AHCTF1: variants seen among roughly 807,000 people sequenced by gnomAD.
AHCTF1 encodes the protein AT-hook containing transcription factor 1.
Under a neutral mutation model 248.4 loss-of-function variants are expected in AHCTF1, and 24 were observed. The ratio of observed to expected loss-of-function variants is 0.10; its 90% CI spans 0.07 to 0.14. The LOEUF is 0.14. Among genes scored for constraint, AHCTF1 ranks in the 10% least tolerant of loss-of-function variants. The probability of loss-of-function intolerance (pLI) is 1.00; values close to 1 mark genes in which losing one functional copy is unlikely to be tolerated. For missense variants in AHCTF1, 2,206 were observed against 2,636.2 expected (o/e 0.84, Z 3.57); for synonymous variants, 786 against 929.8 (o/e 0.85, Z 2.81).
chr1:246,862,977 A>C (rs1334566251), intron 27 of AHCTF1, among the ~76,000 whole-genome samples: 1 of 152,224 alleles, frequency 6.6e-6, no homozygotes, highest in Non-Finnish European at 1.5e-5. Flanking sequence ...CCATTAGATC[A>C]TAATAAATTC....
chr1:246,853,026 TG>T, intron 32 of AHCTF1, 64 bp downstream of exon 32: 2 of 1,216,254 alleles, frequency 1.6e-6, no homozygotes, highest in South Asian at 3.0e-5. Context: ...TGAACTACTG[TG>T]TCTTGAAACA....
In AHCTF1 at chr1:246,891,068, G is replaced by C. The variant is rs758224918; in HGVS notation, c.1946-8C>G. The C allele has an allele frequency of 2.0e-5, 30 of 1,532,520 alleles. No individual in the cohort carries two copies. The highest frequency in any genetic ancestry group is 2.5e-5 in the Non-Finnish European group (29 of 1,146,438). The allele number at this position is 1,532,520 out of a possible 1,614,324, so 94.9% of individuals were successfully genotyped here. A position where few individuals can be genotyped will look rare whatever the true frequency, so the allele number is the denominator to read the frequency against. ...TGCTTAAGTCTATCAGTCCTGTAAA[G>C]AAGAGTTAACATCAGTTGTTTACTT... On this transcript the variant is annotated splice_polypyrimidine_tract_variant and splice_region_variant and intron_variant, in intron 15 of 35. Transcript: ENST00000648844.
intron 24 of AHCTF1, among the ~76,000 whole-genome samples, chr1:246,870,276 T>C (rs188408747): frequency 2.4e-4 from 36 of 152,196 alleles, no homozygotes; most frequent in African/African-American, 7.5e-4. Context: ...AGGCCCTCTC[T>C]ACAAAAAATA....
chr1:246,880,149 C>G (rs1663288602), intron 21 of AHCTF1, among the ~76,000 whole-genome samples: 1 of 151,908 alleles, frequency 6.6e-6, no homozygotes, highest in Non-Finnish European at 1.5e-5. Context: ...GTTGGGAATT[C>G]ACTGTGTCAT....
intron 33 of AHCTF1, 101 bp downstream of exon 33, chr1:246,849,514 G>A (rs773431464): frequency 4.1e-5 from 60 of 1,454,024 alleles, no homozygotes; most frequent in Middle Eastern, 1.9e-4. Flanking sequence ...GAGGGGGGAA[G>A]GGGAAAAATT....
At chr1:246,920,775 AAAAAAAAAAATTATT>A (rs911434564) in intron 1 of AHCTF1, among the ~76,000 whole-genome samples, 23 of 151,272 alleles carry the variant, frequency 1.5e-4, no homozygotes, top group African/African-American at 5.4e-4. Flanking sequence ...GTCTCAAAAA[AAAAAAAAAAATTATT>A]AAACAATAAA....
chr1:246,867,700 G>C lies in AHCTF1; in HGVS notation c.3200C>G (p.Ala1067Gly). The C allele has an allele frequency of 6.2e-7, 1 of 1,612,462 alleles. No homozygotes were observed. Among genetic ancestry groups the C allele is most frequent in the Non-Finnish European group, 8.5e-7 (1 of 1,179,744 alleles). ...GGTGCTATTTATAGGTTCTTTGCTT[G>C]CCCAAACTTCTCCAATTTTAGATAA... ...NVLSKIGEVW[A>G]SKEPINSTTP... The change falls in exon 25 of 36, where the codon GCA (alanine) becomes GGA (glycine). Residue 1067 changes from alanine to glycine, a missense_variant. Physicochemically the swap from Ala to Gly is moderately conservative, Grantham distance 60 (BLOSUM62 0). This residue lies in a region of AHCTF1 where 955 missense variants were observed against 1,055.6 expected (regional missense o/e 0.90). Coordinates refer to ENST00000648844, the MANE Select transcript of AHCTF1 (RefSeq NM_001323342.2).
chr1:246,906,042 A>T (rs1665363926), intron 5 of AHCTF1, among the ~76,000 whole-genome samples: 1 of 152,228 alleles, frequency 6.6e-6, no homozygotes, highest in African/African-American at 2.4e-5. Flanking sequence ...GTACACTCCT[A>T]CATACTGCTC....
At chr1:246,926,921 T>C (rs1666959233) in intron 1 of AHCTF1, among the ~76,000 whole-genome samples, 1 of 151,842 alleles carries the variant, frequency 6.6e-6, no homozygotes, top group African/African-American at 2.4e-5. Flanking sequence ...ACGCCTGTAA[T>C]CCCAGCACTT....
intron 13 of AHCTF1, among the ~76,000 whole-genome samples, chr1:246,895,373 A>G (rs1664499469): frequency 1.3e-5 from 2 of 152,228 alleles, no homozygotes; most frequent in Non-Finnish European, 2.9e-5. Context: ...AAAAAAAACT[A>G]TTCTCAAATG....
At position 246,915,702 on chromosome 1, in the gene AHCTF1, A is replaced by G. The variant is rs537313689; in HGVS notation, c.375+440T>C. Among the ~76,000 whole-genome samples the G allele has an allele frequency of 9.8e-5, 15 of 152,364 alleles. No individual in the cohort carries two copies. The South Asian group carries it at 2.1e-3, about 21-fold the overall frequency. On this transcript the variant is annotated intron_variant, in intron 3 of 35. Coordinates refer to ENST00000648844, the MANE Select transcript of AHCTF1 (RefSeq NM_001323342.2). ...TTTATTCATCCTGGGAATCTAACATATATTTTCCATAATGCTCCAATCCAA... is the reference window on the plus strand; with the variant it reads ...TTTATTCATCCTGGGAATCTAACATGTATTTTCCATAATGCTCCAATCCAA...
chr1:246,902,355 A>G (rs1665063839), intron 8 of AHCTF1, among the ~76,000 whole-genome samples, 170 bp downstream of exon 8: 1 of 152,234 alleles, frequency 6.6e-6, no homozygotes, highest in Admixed American at 6.5e-5. Context: ...AGTTATACAT[A>G]GCAATCTGGA....
rs367757339 is a variant in AHCTF1, at chr1:246,902,626, A to G, written c.1016T>C (p.Met339Thr). ...ACTCGTCTGTCCCCTCAAAGGGAACATGCCACCTGTCAGGTCCAGGGTGTA... is the reference window on the plus strand; with the variant it reads ...ACTCGTCTGTCCCCTCAAAGGGAACGTGCCACCTGTCAGGTCCAGGGTGTA... Reference protein sequence around the residue: ...ERYTLDLTGGMFPLRGQTSNT... With the variant: ...ERYTLDLTGGTFPLRGQTSNT... Residue 339 changes from methionine to threonine, a missense_variant, in exon 8 of 36, where the codon ATG (methionine) becomes ACG (threonine). Coordinates refer to ENST00000648844, the MANE Select transcript of AHCTF1 (RefSeq NM_001323342.2). The G allele has an allele frequency of 2.0e-5, 33 of 1,613,234 alleles. No individual in the cohort carries two copies. Among genetic ancestry groups the G allele is most frequent in the East Asian group, 1.8e-4 (8 of 44,878 alleles).
chr1:246,871,669 AC>A, intron 24 of AHCTF1, among the ~76,000 whole-genome samples: 1 of 151,918 alleles, frequency 6.6e-6, no homozygotes, highest in South Asian at 2.1e-4. Context: ...GTCTCCACAG[AC>A]TCTAAGTATG....
intron 1 of AHCTF1, chr1:246,930,981 A>T (rs1667307641): frequency 9.2e-6 from 11 of 1,192,810 alleles, no homozygotes; most frequent in Non-Finnish European, 1.2e-5. Context: ...GGCAAAAGAA[A>T]CCGTCCTGTT....
intron 29 of AHCTF1, among the ~76,000 whole-genome samples, chr1:246,858,154 T>C (rs1011367195): frequency 4.0e-5 from 6 of 151,692 alleles, no homozygotes; most frequent in African/African-American, 1.5e-4. Context: ...AGAGACGGGG[T>C]TTCACTGTTT....
rs761749767 is a variant in AHCTF1, at chr1:246,888,199, G to A, written c.2303C>T (p.Thr768Ile). 6.2e-6 allele frequency: 10 copies of A among 1,613,970 alleles called. No homozygotes were observed. Among genetic ancestry groups the A allele is most frequent in the Non-Finnish European group, 8.5e-6 (10 of 1,179,968 alleles). Reference protein sequence around the residue: ...VLDMYLLDGVTEAAKHSITIY... With the variant: ...VLDMYLLDGVIEAAKHSITIY... ...TACAATAGAGTGTTTGGCTGCTTCA[G>A]TAACGCCGTCTAATAGGTACATATC... is the stretch of plus-strand genomic sequence containing the variant. Residue 768 changes from threonine to isoleucine, a missense_variant, in exon 19 of 36, where the codon ACT becomes ATT. Coordinates refer to ENST00000648844, the MANE Select transcript of AHCTF1 (RefSeq NM_001323342.2).
chr1:246,906,847 T>G (rs1665429403), intron 5 of AHCTF1, among the ~76,000 whole-genome samples: 1 of 152,216 alleles, frequency 6.6e-6, no homozygotes, highest in Non-Finnish European at 1.5e-5. Flanking sequence ...TTTGTAACTT[T>G]GATTTTTAAA....
intron 1 of AHCTF1, among the ~76,000 whole-genome samples, chr1:246,929,740 C>A (rs769058490): frequency 4.6e-5 from 7 of 152,160 alleles, no homozygotes; most frequent in Non-Finnish European, 8.8e-5. Flanking sequence ...AAAGACACAA[C>A]GTTTTGCTTC....
Sources: allele counts gnomAD v4.1 joint callset (sites outside exome capture counted in the v4.1 genomes callset), GRCh38; gene constraint gnomAD v4.1.1; regional missense constraint gnomAD v4.1.1; transcripts MANE v1.5; gene names NCBI Gene and HGNC (gene_info 2026-07-23, HGNC 2026-07-21).